The following CCDC30 variants were observed in gnomAD, a reference collection of about 807,000 sequenced individuals.
The protein encoded by CCDC30 is coiled-coil domain-containing protein 30.
CCDC30 carries 70 observed loss-of-function variants against 100.2 expected under a neutral mutation model. The observed-to-expected ratio is 0.70, with a 90% CI of 0.58 to 0.85. The LOEUF (loss-of-function observed/expected upper bound fraction) is 0.85. Among genes scored for constraint, CCDC30 ranks in the 40% least tolerant of loss-of-function variants. The pLI, the probability that CCDC30 is intolerant of heterozygous loss-of-function variation, is 0.00. For synonymous variants in CCDC30, 233 were observed against 269.5 expected (o/e 0.86, Z 1.33); for missense variants, 652 against 771.2 (o/e 0.85, Z 1.83).
chr1:42,537,004 G>C, intron 6 of CCDC30: 1 of 361,188 alleles, frequency 2.8e-6, no homozygotes, highest in South Asian at 2.1e-5. Context: ...TCCAAATACA[G>C]TCCATATTGG....
At chr1:42,553,480 T>C (rs989215709) in intron 6 of CCDC30, among the ~76,000 whole-genome samples, 5 of 148,720 alleles carry the variant, frequency 3.4e-5, no homozygotes, top group African/African-American at 1.2e-4. Flanking sequence ...AAAAGTCCAT[T>C]TTCTCCATTT....
intron 6 of CCDC30, among the ~76,000 whole-genome samples, chr1:42,527,060 G>A (rs12023262): frequency 0.39 from 58,521 of 151,932 alleles, 11,729 homozygotes; most frequent in East Asian, 0.59. Flanking sequence ...CAAAATAACT[G>A]CTCTGAAGGG....
At chr1:42,463,037 C>T (rs1005528164), upstream of CCDC30, among the ~76,000 whole-genome samples, 4 of 152,190 alleles carry the variant, frequency 2.6e-5, no homozygotes, top group African/African-American at 9.7e-5. Flanking sequence ...TAGAACGCCC[C>T]AAGACAAAAT....
At chr1:42,586,935 C>T (rs1162713244) in intron 9 of CCDC30, among the ~76,000 whole-genome samples, 1 of 152,118 alleles carries the variant, frequency 6.6e-6, no homozygotes, top group Non-Finnish European at 1.5e-5. Flanking sequence ...ATTTTTCAAA[C>T]TCTATATCAA....
chr1:42,644,835 G>A (rs998727441), intron 14 of CCDC30, 28 bp downstream of exon 18: 2 of 1,418,554 alleles, frequency 1.4e-6, no homozygotes, highest in East Asian at 2.3e-5. Context: ...TATTGGGCCT[G>A]CCTTTAATGT....
At chr1:42,653,575 C>A in intron 16 of CCDC30, 132 bp downstream of exon 20, 1 of 667,344 alleles carries the variant, frequency 1.5e-6, no homozygotes, top group Admixed American at 2.9e-5. Context: ...GTCATTTTCT[C>A]TACATGAATT....
chr1:42,488,839 G>A (rs1644092232), intron 3 of CCDC30, among the ~76,000 whole-genome samples: 1 of 152,158 alleles, frequency 6.6e-6, no homozygotes, highest in East Asian at 1.9e-4. Flanking sequence ...GAAGCCCCTG[G>A]TTCACATAAT....
At chr1:42,621,872 T>C (rs1387239909) in intron 11 of CCDC30, among the ~76,000 whole-genome samples, 1 of 151,908 alleles carries the variant, frequency 6.6e-6, no homozygotes, top group East Asian at 1.9e-4. Flanking sequence ...GTCTCGAACC[T>C]GTGTGCTCAA....
chr1:42,600,455 G>A (rs1019190899), intron 10 of CCDC30, among the ~76,000 whole-genome samples: 7 of 152,166 alleles, frequency 4.6e-5, no homozygotes, highest in Admixed American at 1.3e-4. Flanking sequence ...CAGATATAGT[G>A]GATATCTATA....
intron 1 of CCDC30, among the ~76,000 whole-genome samples, chr1:42,477,546 A>G (rs966577143): frequency 1.3e-5 from 2 of 152,184 alleles, no homozygotes; most frequent in African/African-American, 4.8e-5. Flanking sequence ...ATGATGATTG[A>G]TAAATAGGAG....
chr1:42,527,772 C>G (rs1263682472), intron 6 of CCDC30, among the ~76,000 whole-genome samples: 1 of 152,092 alleles, frequency 6.6e-6, no homozygotes, highest in Admixed American at 6.6e-5. Flanking sequence ...ATTGCTCCTT[C>G]CTGTGGTGTC....
chr1:42,460,444 T>A, upstream of CCDC30: 1 of 928,976 alleles, frequency 1.1e-6, no homozygotes, highest in Non-Finnish European at 1.3e-6. Flanking sequence ...ATTTATCAAA[T>A]ATAGTAGTAG....
At chr1:42,524,553 G>A (rs6702464) in intron 6 of CCDC30, among the ~76,000 whole-genome samples, 17,679 of 151,610 alleles carry the variant, frequency 0.12, 1,260 homozygotes, top group East Asian at 0.28. Flanking sequence ...ACCTGACTCT[G>A]TCTGTACCTA....
chr1:42,555,214 C>G (rs1034817105), intron 6 of CCDC30, among the ~76,000 whole-genome samples: 1 of 152,218 alleles, frequency 6.6e-6, no homozygotes, highest in African/African-American at 2.4e-5. Flanking sequence ...AGCACCTTCT[C>G]TCTTTTGCTT....
chr1:42,538,620 T>G lies in CCDC30; in HGVS notation c.457-27676T>G, dbSNP rs1302593365. On this transcript the variant is annotated intron_variant, in intron 6 of 16. Transcript: ENST00000668663. ...GACCGCATCAATATAAATAAATAAA[T>G]TTTTTTTAAAAAACCACAGAGTTTA... 2.0e-5 allele frequency among the ~76,000 whole-genome samples: 3 copies of G among 151,990 alleles called. No homozygotes were observed. In the South Asian group the frequency reaches 6.2e-4, roughly 32 times the overall value.
chr1:42,526,462 A>G (rs1644726054), intron 6 of CCDC30, among the ~76,000 whole-genome samples: 1 of 152,118 alleles, frequency 6.6e-6, no homozygotes, highest in Non-Finnish European at 1.5e-5. Context: ...AATCATACAA[A>G]TGATATCATC....
At chr1:42,469,772 A>G (rs1223813714) in intron 1 of CCDC30, among the ~76,000 whole-genome samples, 1 of 152,142 alleles carries the variant, frequency 6.6e-6, no homozygotes, top group East Asian at 1.9e-4. Flanking sequence ...CTGTTTTATG[A>G]TGACCTTTGT....
upstream of CCDC30, chr1:42,459,865 A>C: frequency 1.2e-6 from 2 of 1,614,158 alleles, no homozygotes; most frequent in South Asian, 2.2e-5. Flanking sequence ...GTAGAGATAG[A>C]AGAGAAGATA....
intron 14 of CCDC30, 29 bp downstream of exon 18, chr1:42,644,836 C>G (rs748534009): frequency 2.1e-6 from 3 of 1,411,996 alleles, no homozygotes; most frequent in Non-Finnish European, 3.0e-6. Flanking sequence ...ATTGGGCCTG[C>G]CTTTAATGTG....
Sources: gnomAD v4.1 joint callset for allele counts (sites outside exome capture counted in the v4.1 genomes callset) on GRCh38, gnomAD v4.1.1 for gene constraint, MANE v1.5 for transcripts, NCBI Gene and HGNC (gene_info 2026-07-23, HGNC 2026-07-21) for gene names.